Variants in FOXP2 observed in about 807,000 individuals in gnomAD.
The protein encoded by FOXP2 is forkhead box protein P2.
In FOXP2, 12 loss-of-function variants were observed where a neutral mutation model predicts 115.8. That is an observed-to-expected ratio of 0.10 (90% confidence interval 0.07 to 0.17). FOXP2 has a LOEUF of 0.17. Ranked by LOEUF, FOXP2 falls within the 10% of genes least tolerant of loss-of-function variation. The pLI, the probability that FOXP2 is intolerant of heterozygous loss-of-function variation, is 1.00. For missense variants in FOXP2, 629 were observed against 843.5 expected, an observed-to-expected ratio of 0.75 and a Z score of 3.15; for synonymous variants, 328 against 297.7, an observed-to-expected ratio of 1.10 and a Z score of -1.05.
intron 2 of FOXP2, among the ~76,000 whole-genome samples, chr7:114,393,999 TGTGTGTGAGAGA>T (rs1227867994): frequency 2.8e-4 from 5 of 17,586 alleles, no homozygotes; most frequent in Non-Finnish European, 8.7e-4. Flanking sequence ...TGTGTGTGTG[TGTGTGTGAGAGA>T]GAGAGAGAGA....
intron 1 of FOXP2, among the ~76,000 whole-genome samples, chr7:114,265,791 C>T (rs553557902): frequency 6.6e-6 from 1 of 152,230 alleles, no homozygotes; most frequent in South Asian, 2.1e-4. Context: ...TCTGTGCACC[C>T]ACAGGCTTAA....
At chr7:114,550,611 G>A (rs1301430657) in intron 3 of FOXP2, among the ~76,000 whole-genome samples, 1 of 152,102 alleles carries the variant, frequency 6.6e-6, no homozygotes, top group African/African-American at 2.4e-5. Flanking sequence ...ATGAAGTACA[G>A]AAATACATAT....
chr7:114,475,812 A>T (rs1193124884), intron 2 of FOXP2, among the ~76,000 whole-genome samples: 1 of 151,864 alleles, frequency 6.6e-6, no homozygotes, highest in Non-Finnish European at 1.5e-5. Context: ...TAAGCATTGA[A>T]ACTAATATCT....
chr7:114,635,684 G>A lies in FOXP2; in HGVS notation c.775+3979G>A, dbSNP rs542561896. Among the ~76,000 whole-genome samples the A allele has an allele frequency of 5.9e-5, 9 of 152,084 alleles. No homozygotes were observed. The South Asian group carries it at 1.9e-3, about 31-fold the overall frequency. On this transcript the variant is annotated intron_variant, in intron 6 of 16. Transcript: ENST00000350908. ...TCTATAATTCTTGTAGAATTATTTT[G>A]TGAACTAGAATGTATAACATTAAAA...
intron 1 of FOXP2, among the ~76,000 whole-genome samples, chr7:114,423,518 GT>G (rs1793707384): frequency 6.6e-6 from 1 of 151,598 alleles, no homozygotes; most frequent in South Asian, 2.1e-4. Flanking sequence ...TTAACTTACA[GT>G]TCAGACAAAC....
At chr7:114,465,823 G>A (rs1380503597) in intron 2 of FOXP2, among the ~76,000 whole-genome samples, 1 of 152,054 alleles carries the variant, frequency 6.6e-6, no homozygotes, top group Non-Finnish European at 1.5e-5. Context: ...CTCTTCCCTT[G>A]TTCTTCATGG....
At chr7:114,300,021 C>A (rs368315804) in intron 2 of FOXP2, among the ~76,000 whole-genome samples, 4 of 151,416 alleles carry the variant, frequency 2.6e-5, no homozygotes, top group East Asian at 3.9e-4. Flanking sequence ...CCAGCAGCTA[C>A]CCTTACACAC....
At chr7:114,418,103 G>C (rs921202299) in intron 1 of FOXP2, among the ~76,000 whole-genome samples, 6 of 151,938 alleles carry the variant, frequency 3.9e-5, no homozygotes, top group African/African-American at 1.4e-4. Flanking sequence ...TTAAACTCCA[G>C]TGGTTATCTG....
At chr7:114,422,272 C>T (rs749141282) in intron 1 of FOXP2, among the ~76,000 whole-genome samples, 50 of 151,490 alleles carry the variant, frequency 3.3e-4, no homozygotes, top group Non-Finnish European at 6.2e-4. Flanking sequence ...GAAAAGTTGA[C>T]GAAATGAATT....
chr7:114,621,313 A>G (rs565210108), intron 3 of FOXP2, among the ~76,000 whole-genome samples: 5 of 152,038 alleles, frequency 3.3e-5, no homozygotes, highest in Admixed American at 6.6e-5. Context: ...CTGAGGGTAG[A>G]CAGATATGAT....
At chr7:114,298,725 A>G (rs1796805573) in intron 2 of FOXP2, among the ~76,000 whole-genome samples, 1 of 152,174 alleles carries the variant, frequency 6.6e-6, no homozygotes, top group Admixed American at 6.5e-5. Context: ...CAATTGAACA[A>G]CTTCTCTTCT....
intron 2 of FOXP2, among the ~76,000 whole-genome samples, chr7:114,479,483 T>C (rs1296606323): frequency 2.0e-5 from 3 of 150,938 alleles, no homozygotes; most frequent in African/African-American, 7.3e-5. Flanking sequence ...AGGCACAAAG[T>C]TGAACAAATG....
At chr7:114,124,550 A>G (rs1246939380) in intron 1 of FOXP2, among the ~76,000 whole-genome samples, 1 of 152,054 alleles carries the variant, frequency 6.6e-6, no homozygotes, top group Non-Finnish European at 1.5e-5. Context: ...GTTGTTATAG[A>G]TCTGCTTTCC....
At chr7:114,361,157 A>G (rs1372826142) in intron 2 of FOXP2, among the ~76,000 whole-genome samples, 1 of 152,152 alleles carries the variant, frequency 6.6e-6, no homozygotes, top group Non-Finnish European at 1.5e-5. Flanking sequence ...GGAAATATGA[A>G]TAAACATTAG....
At chr7:114,399,272 T>A (rs1792819190) in intron 2 of FOXP2, among the ~76,000 whole-genome samples, 1 of 152,022 alleles carries the variant, frequency 6.6e-6, no homozygotes, top group Non-Finnish European at 1.5e-5. Context: ...CATGCCTGGC[T>A]AACTTTTGTA....
At chr7:114,565,058 A>G (rs1800939803) in intron 3 of FOXP2, among the ~76,000 whole-genome samples, 1 of 151,726 alleles carries the variant, frequency 6.6e-6, no homozygotes, top group Non-Finnish European at 1.5e-5. Context: ...ATCTCAATAT[A>G]ATTCTCTTTT....
intron 3 of FOXP2, among the ~76,000 whole-genome samples, chr7:114,627,939 C>T (rs10262632): frequency 0.11 from 17,283 of 151,052 alleles, 1,075 homozygotes; most frequent in Middle Eastern, 0.18. Context: ...CACACACACA[C>T]ATATATATAT....
intron 2 of FOXP2, among the ~76,000 whole-genome samples, chr7:114,448,181 A>G (rs1421898863): frequency 6.6e-6 from 1 of 152,180 alleles, no homozygotes; most frequent in Non-Finnish European, 1.5e-5. Context: ...TGGTATAAAT[A>G]GCTGAGAAAC....
At chr7:114,412,552 A>C (rs1041796896), upstream of FOXP2, among the ~76,000 whole-genome samples, 7 of 152,048 alleles carry the variant, frequency 4.6e-5, no homozygotes, top group Non-Finnish European at 1.0e-4. Flanking sequence ...TTCTTTTCCT[A>C]GTTTTTGTCA....
Sources: gnomAD v4.1 joint callset for allele counts (sites outside exome capture counted in the v4.1 genomes callset) on GRCh38, gnomAD v4.1.1 for gene constraint, MANE v1.5 for transcripts, NCBI Gene and HGNC (gene_info 2026-07-23, HGNC 2026-07-21) for gene names.